SLC19A3: variants seen among roughly 807,000 people sequenced by gnomAD.
SLC19A3 encodes thiamine transporter 2.
A neutral mutation model predicts 40.2 loss-of-function variants in SLC19A3; 31 were observed. The ratio of observed to expected loss-of-function variants is 0.77; its 90% CI spans 0.58 to 1.04. SLC19A3 has a LOEUF of 1.04. SLC19A3 is among the 50% of genes least tolerant of loss of function. SLC19A3 has a pLI of 0.00. For missense variants in SLC19A3, 592 were observed against 596.7 expected, an observed-to-expected ratio of 0.99 and a Z score of 0.08; for synonymous variants, 212 against 227.5, an observed-to-expected ratio of 0.93 and a Z score of 0.61.
chr2:227,704,162 G>C (rs1181110832), intron 1 of SLC19A3, among the ~76,000 whole-genome samples: 3 of 151,984 alleles, frequency 2.0e-5, no homozygotes, highest in Non-Finnish European at 4.4e-5. Flanking sequence ...AAGGGTAAGG[G>C]TGAAAAGAGA....
chr2:227,686,833 C>T lies in SLC19A3; in HGVS notation c.*564G>A, dbSNP rs1466428649. The stretch of plus-strand genomic sequence containing the variant: ...CTATCAAATCATAACGTGAATAATG[C>T]TGTTATTAGAGTTGAAGAGAAGCCC... On this transcript the variant is annotated 3_prime_UTR_variant, in exon 6 of 6. Transcript: ENST00000644224. The T allele has an allele frequency of 6.6e-6, 1 of 152,142 alleles. No individual in the cohort carries two copies. Among genetic ancestry groups the T allele is most frequent in the Non-Finnish European group, 1.5e-5 (1 of 68,052 alleles). 9.4% of individuals were successfully genotyped at this position (152,142 alleles called of 1,614,324 possible).
chr2:227,687,496 G>A lies in SLC19A3; in HGVS notation c.1392C>T (p.Thr464=). The part of the protein sequence containing the change: ...LMRSMYITYS[T]KSQKDVQSPA... The stretch of plus-strand genomic sequence containing the variant: ...GGCTCTGTACATCCTTCTGGGATTT[G>A]GTTGAGTAGGTAATATACATGCTTC... Residue 464 remains threonine, a synonymous_variant, in exon 6 of 6, where the codon ACC becomes ACT. Transcript: ENST00000644224. The A allele has an allele frequency of 6.2e-7, 1 of 1,614,044 alleles. No homozygotes were observed. The highest frequency in any genetic ancestry group is 8.5e-7 in the Non-Finnish European group (1 of 1,179,950).
At position 227,695,948 on chromosome 2, in the gene SLC19A3, C is replaced by A; in HGVS notation, c.1113G>T (p.Ala371=). 1 of 1,614,088 alleles carries A rather than the reference C, an allele frequency of 6.2e-7. No homozygotes were observed. The highest frequency in any genetic ancestry group is 2.2e-5 in the East Asian group (1 of 44,878). ...TGAATATCAAATAGCCAGCATAGCA[C>A]GCCCAGATATTGGCTGTGTAATGCA... ...FLMHYTANIW[A]CYAGYLIFKS... The change falls in exon 4 of 6, where the codon GCG becomes GCT. Residue 371 remains alanine, a synonymous_variant. Coordinates refer to ENST00000644224, the MANE Select transcript of SLC19A3 (RefSeq NM_025243.4).
Position 227,686,017 on chromosome 2 carries a change from T to C in SLC19A3, c.*1380A>G. ...TTTGAGACCAGCCTGGCCAACATTG[T>C]GAAACCCCATCTCCACTAAAAATAC... On this transcript the variant is annotated 3_prime_UTR_variant, in exon 6 of 6. Coordinates refer to ENST00000644224, the MANE Select transcript of SLC19A3 (RefSeq NM_025243.4). 2 of 297,674 alleles carry C rather than the reference T, an allele frequency of 6.7e-6. No individual in the cohort carries two copies. The highest frequency in any genetic ancestry group is 2.5e-5 in the South Asian group (1 of 39,528). The allele number at this position is 297,674 out of a possible 1,614,324, so 18.4% of individuals were successfully genotyped here. A position where few individuals can be genotyped will look rare whatever the true frequency, so the allele number is the denominator to read the frequency against.
chr2:227,698,331 C>A (rs185771294), intron 3 of SLC19A3, among the ~76,000 whole-genome samples: 1 of 150,914 alleles, frequency 6.6e-6, no homozygotes, highest in African/African-American at 2.4e-5. Flanking sequence ...CGGCTAATTT[C>A]TTTGTATTTT....
At chr2:227,688,765 C>T (rs1007242024) in intron 4 of SLC19A3, among the ~76,000 whole-genome samples, 11 of 152,076 alleles carry the variant, frequency 7.2e-5, no homozygotes, top group African/African-American at 2.7e-4. Context: ...AAAACGTTCT[C>T]ACCAAACAAA....
intron 3 of SLC19A3, 70 bp downstream of exon 3, chr2:227,698,666 G>A: frequency 7.3e-7 from 1 of 1,362,390 alleles, no homozygotes; most frequent in Non-Finnish European, 1.0e-6. Context: ...CTGCCATGAA[G>A]TTCGGTACCT....
intron 1 of SLC19A3, among the ~76,000 whole-genome samples, chr2:227,710,650 C>T (rs1162645276): frequency 1.3e-5 from 2 of 152,104 alleles, no homozygotes; most frequent in South Asian, 2.1e-4. Flanking sequence ...AGCTCCTTCC[C>T]CCCCAGTTTT....
intron 1 of SLC19A3, among the ~76,000 whole-genome samples, chr2:227,715,273 G>C (rs1165922148): frequency 6.6e-6 from 1 of 151,608 alleles, no homozygotes; most frequent in Non-Finnish European, 1.5e-5. Flanking sequence ...AAAAATCTTT[G>C]CTGAAATAAA....
intron 1 of SLC19A3, 77 bp downstream of exon 1, chr2:227,717,866 G>A (rs1223794482): frequency 1.0e-6 from 1 of 973,438 alleles, no homozygotes; most frequent in Non-Finnish European, 1.2e-6. Context: ...CCAAACCCGG[G>A]AAGAGAGAGG....
Position 227,699,249 on chromosome 2 carries a change from C to A in SLC19A3, c.466G>T (p.Val156Leu), listed in dbSNP as rs774845903. The A allele has an allele frequency of 3.1e-6, 5 of 1,614,084 alleles. No individual in the cohort carries two copies. Among genetic ancestry groups the A allele is most frequent in the Non-Finnish European group, 4.2e-6 (5 of 1,179,980 alleles). Reference sequence around the variant, plus strand: ...AGGGATACCAAGAGTTGAGCCAGCACCGACCCTGCTGTGTAGGCGGCCAGC... The same window carrying A: ...AGGGATACCAAGAGTTGAGCCAGCAACGACCCTGCTGTGTAGGCGGCCAGC... ...VTLAAYTAGS[V>L]LAQLLVSLAN... The change falls in exon 3 of 6, where the codon GTG (valine) becomes TTG (leucine). Residue 156 changes from valine (V) to leucine (L), a missense_variant. Coordinates refer to ENST00000644224, the MANE Select transcript of SLC19A3 (RefSeq NM_025243.4).
At chr2:227,716,884 G>A (rs911733066) in intron 1 of SLC19A3, among the ~76,000 whole-genome samples, 1 of 151,612 alleles carries the variant, frequency 6.6e-6, no homozygotes, top group Non-Finnish European at 1.5e-5. Flanking sequence ...AGATATTTGG[G>A]AAGTTATGTT....
Position 227,688,226 on chromosome 2 carries a change from C to T in SLC19A3, c.1254G>A (p.Gln418=), listed in dbSNP as rs1559242391. 4 of 1,614,084 alleles carry T rather than the reference C, an allele frequency of 2.5e-6. No individual in the cohort carries two copies. The highest frequency in any genetic ancestry group is 1.7e-5 in the Admixed American group (1 of 60,002). ...CTACTACAATCACAGTCATGATGGT[C>T]TGAATCACCAAGGCAATAAAGGTGT... ...GINTFIALVI[Q]TIMTVIVVDQ... is the part of the protein sequence containing the mutation. Residue 418 remains glutamine, a synonymous_variant, in exon 5 of 6, where the codon CAG becomes CAA. Coordinates refer to ENST00000644224, the MANE Select transcript of SLC19A3 (RefSeq NM_025243.4).
intron 1 of SLC19A3, among the ~76,000 whole-genome samples, chr2:227,712,002 A>C (rs1166671747): frequency 7.6e-6 from 1 of 132,178 alleles, no homozygotes; most frequent in Non-Finnish European, 1.5e-5. Context: ...GTGAGCCGAG[A>C]TCCCGCTATT....
At chr2:227,709,395 G>C (rs1574577182) in intron 1 of SLC19A3, among the ~76,000 whole-genome samples, 2 of 152,150 alleles carry the variant, frequency 1.3e-5, no homozygotes, top group African/African-American at 4.8e-5. Context: ...TGAGGCACGA[G>C]AATCACTTGT....
At position 227,698,896 on chromosome 2, in the gene SLC19A3, G is replaced by A. The variant is rs1574558841; in HGVS notation, c.819C>T (p.Tyr273=). 11 of 1,614,100 alleles carry A rather than the reference G, an allele frequency of 6.8e-6. No homozygotes were observed. Among genetic ancestry groups the A allele is most frequent in the Non-Finnish European group, 8.5e-6 (10 of 1,179,996 alleles). Residue 273 remains tyrosine (Y), a synonymous_variant, in exon 3 of 6, where the codon TAC becomes TAT. Transcript: ENST00000644224. ...VQWFQDLKEC[Y]SSKRLFYWSL... ...ACCAGTAGAAAAGACGTTTTGAGGA[G>A]TAGCACTCCTTCAAATCTTGGAACC... is the stretch of plus-strand genomic sequence containing the variant.
chr2:227,687,700 T>C (rs1010760594), intron 5 of SLC19A3, 127 bp from the exon 6 acceptor site: 3 of 882,012 alleles, frequency 3.4e-6, no homozygotes, highest in Non-Finnish European at 5.4e-6. Flanking sequence ...ATATGGGTCA[T>C]TTAGGTTGAA....
chr2:227,704,596 A>G (rs1292498832), intron 1 of SLC19A3, among the ~76,000 whole-genome samples: 6 of 152,106 alleles, frequency 3.9e-5, no homozygotes, highest in African/African-American at 1.4e-4. Context: ...AAGTTCAGCT[A>G]TCTTTCCTCT....
In SLC19A3 at chr2:227,685,410, C is replaced by T. The variant is rs1694980457; in HGVS notation, c.*1987G>A. The T allele has an allele frequency of 6.6e-6, 1 of 152,176 alleles. No individual in the cohort carries two copies. The highest frequency in any genetic ancestry group is 1.9e-4 in the East Asian group (1 of 5,192). 9.4% of individuals were successfully genotyped at this position (152,176 alleles called of 1,614,324 possible). A position where few individuals can be genotyped will look rare whatever the true frequency, so the allele number is the denominator to read the frequency against. The stretch of plus-strand genomic sequence containing the variant: ...TAAACTACCAGATCTCACGATAACT[C>T]ACTGTCATGAGACCAGCACTGAGGG... On this transcript the variant is annotated 3_prime_UTR_variant, in exon 6 of 6. Coordinates refer to ENST00000644224, the MANE Select transcript of SLC19A3 (RefSeq NM_025243.4).
Sources: gnomAD v4.1 joint callset for allele counts (sites outside exome capture counted in the v4.1 genomes callset) on GRCh38, gnomAD v4.1.1 for gene constraint, MANE v1.5 for transcripts, NCBI Gene and HGNC (gene_info 2026-07-23, HGNC 2026-07-21) for gene names.